SH3RF1: variants seen among roughly 807,000 people sequenced by gnomAD.
SH3RF1 encodes the protein E3 ubiquitin-protein ligase SH3RF1.
SH3RF1 carries 32 observed loss-of-function variants against 74.0 expected under a neutral mutation model. That is an observed-to-expected ratio of 0.43 (90% CI 0.33 to 0.58). SH3RF1 has a LOEUF of 0.58. Ranked by LOEUF, SH3RF1 falls within the 20% of genes least tolerant of loss-of-function variation. SH3RF1 has a pLI of 0.05. For missense variants in SH3RF1, 954 were observed against 1,130.9 expected, an observed-to-expected ratio of 0.84 and a Z score of 2.24; for synonymous variants, 396 against 439.6, an observed-to-expected ratio of 0.90 and a Z score of 1.24.
intron 4 of SH3RF1, 100 bp from the exon 5 acceptor site, chr4:169,136,720 A>G (rs1733709498): frequency 2.3e-6 from 3 of 1,293,784 alleles, no homozygotes; most frequent in South Asian, 3.7e-5. Context: ...ATTTAAAGTC[A>G]CTACTTTAAA....
At chr4:169,198,352 A>G (rs1251618830) in intron 2 of SH3RF1, among the ~76,000 whole-genome samples, 1 of 114,610 alleles carries the variant, frequency 8.7e-6, no homozygotes, top group Non-Finnish European at 2.0e-5. Flanking sequence ...ACAGTCTACA[A>G]ATAGAGTGTT....
intron 2 of SH3RF1, among the ~76,000 whole-genome samples, chr4:169,215,160 T>C (rs1432457013): frequency 2.6e-5 from 4 of 152,206 alleles, no homozygotes; most frequent in African/African-American, 4.8e-5. Context: ...TGCCAGTTTT[T>C]ATCAAGAATG....
intron 2 of SH3RF1, among the ~76,000 whole-genome samples, chr4:169,213,033 C>T (rs138722723): frequency 9.2e-5 from 14 of 152,228 alleles, no homozygotes; most frequent in East Asian, 3.9e-4. Context: ...CATAAGTTTT[C>T]GACTAACTTA....
At chr4:169,251,372 A>C (rs993374884) in intron 2 of SH3RF1, among the ~76,000 whole-genome samples, 2 of 152,268 alleles carry the variant, frequency 1.3e-5, no homozygotes, top group Non-Finnish European at 2.9e-5. Flanking sequence ...GAATAACTGA[A>C]GAGTATTGTT....
At position 169,096,494 on chromosome 4, in the gene SH3RF1, T is replaced by G; in HGVS notation, c.*25A>C. 6.2e-7 allele frequency: 1 copy of G among 1,607,378 alleles called. No homozygotes were observed. The highest frequency in any genetic ancestry group is 8.5e-7 in the Non-Finnish European group (1 of 1,177,134). On this transcript the variant is annotated 3_prime_UTR_variant, in exon 12 of 12. Transcript: ENST00000284637. ...TGCTACTTTGTTGTGTGAAGTGATT[T>G]TAAGCTTCTTCAGTGTCAGTCTCCT...
intron 6 of SH3RF1, among the ~76,000 whole-genome samples, chr4:169,128,238 T>C (rs1733557891): frequency 6.6e-6 from 1 of 152,134 alleles, no homozygotes; most frequent in South Asian, 2.1e-4. Context: ...CCCCTGGAGA[T>C]GAGAGGTCAT....
At chr4:169,242,028 G>A (rs1172970208) in intron 2 of SH3RF1, among the ~76,000 whole-genome samples, 1 of 152,134 alleles carries the variant, frequency 6.6e-6, no homozygotes, top group Non-Finnish European at 1.5e-5. Flanking sequence ...TATGAACAAT[G>A]AAGATTATAT....
intron 2 of SH3RF1, among the ~76,000 whole-genome samples, chr4:169,187,712 T>C (rs1385025054): frequency 6.6e-6 from 1 of 152,194 alleles, no homozygotes; most frequent in Non-Finnish European, 1.5e-5. Context: ...TAATGTCAGA[T>C]GTAAAAAGTT....
At chr4:169,134,824 T>G (rs1373398533) in intron 5 of SH3RF1, among the ~76,000 whole-genome samples, 3 of 152,242 alleles carry the variant, frequency 2.0e-5, no homozygotes, top group African/African-American at 7.2e-5. Flanking sequence ...TCTGCATGTC[T>G]TATGTCTGCC....
intron 2 of SH3RF1, among the ~76,000 whole-genome samples, chr4:169,256,657 C>G (rs1731198693): frequency 6.6e-6 from 1 of 152,216 alleles, no homozygotes; most frequent in East Asian, 1.9e-4. Flanking sequence ...AGTGCAGTGA[C>G]AAGATCACAG....
intron 2 of SH3RF1, among the ~76,000 whole-genome samples, chr4:169,259,160 G>GT (rs757401469): frequency 6.6e-6 from 1 of 152,018 alleles, no homozygotes; most frequent in Non-Finnish European, 1.5e-5. Flanking sequence ...TTGATAAGCA[G>GT]TTTTTTCTGG....
intron 11 of SH3RF1, among the ~76,000 whole-genome samples, chr4:169,102,579 C>T (rs894541238): frequency 1.2e-4 from 18 of 151,970 alleles, no homozygotes; most frequent in Non-Finnish European, 2.5e-4. Flanking sequence ...GCCATCCCTT[C>T]TGAAATATTT....
intron 2 of SH3RF1, among the ~76,000 whole-genome samples, chr4:169,198,466 A>C (rs1734857386): frequency 6.6e-6 from 1 of 152,214 alleles, no homozygotes; most frequent in South Asian, 2.1e-4. Context: ...TCCACAAAAT[A>C]CATATACTTG....
intron 8 of SH3RF1, among the ~76,000 whole-genome samples, chr4:169,119,558 C>T (rs1733403578): frequency 1.3e-5 from 2 of 151,824 alleles, no homozygotes; most frequent in South Asian, 2.1e-4. Context: ...CCATTATTAT[C>T]ATTATTTTGC....
intron 2 of SH3RF1, among the ~76,000 whole-genome samples, chr4:169,164,321 T>C (rs923433959): frequency 1.4e-4 from 22 of 152,124 alleles, no homozygotes; most frequent in African/African-American, 5.3e-4. Context: ...AAGGTGTGGA[T>C]AGGTTAAGTG....
intron 2 of SH3RF1, among the ~76,000 whole-genome samples, chr4:169,210,276 A>G (rs914955217): frequency 2.6e-5 from 4 of 152,054 alleles, no homozygotes; most frequent in African/African-American, 9.7e-5. Flanking sequence ...ACATATTTGC[A>G]TCATCTTATA....
At chr4:169,226,716 T>C (rs1730658345) in intron 2 of SH3RF1, among the ~76,000 whole-genome samples, 1 of 152,216 alleles carries the variant, frequency 6.6e-6, no homozygotes, top group African/African-American at 2.4e-5. Context: ...AAAACCTATC[T>C]TTGTAAATCT....
At chr4:169,134,750 T>C (rs1733668652) in intron 5 of SH3RF1, among the ~76,000 whole-genome samples, 1 of 152,220 alleles carries the variant, frequency 6.6e-6, no homozygotes, top group Admixed American at 6.5e-5. Context: ...TAAAATGACA[T>C]GGTTCCCCTC....
intron 4 of SH3RF1, among the ~76,000 whole-genome samples, chr4:169,148,281 T>C (rs17054771): frequency 1.3e-5 from 2 of 152,210 alleles, no homozygotes; most frequent in African/African-American, 4.8e-5. Flanking sequence ...CCACGATTCC[T>C]TTCTCGATTC....
Sources: gnomAD v4.1 joint callset for allele counts (sites outside exome capture counted in the v4.1 genomes callset) on GRCh38, gnomAD v4.1.1 for gene constraint, MANE v1.5 for transcripts, NCBI Gene and HGNC (gene_info 2026-07-23, HGNC 2026-07-21) for gene names.